The following PRKG1 variants were observed in gnomAD, a reference collection of about 807,000 sequenced individuals.
PRKG1 encodes protein kinase cGMP-dependent 1.
A neutral mutation model predicts 88.1 loss-of-function variants in PRKG1; 35 were observed. The ratio of observed to expected loss-of-function variants is 0.40; its 90% CI spans 0.30 to 0.53. The LOEUF (loss-of-function observed/expected upper bound fraction) is 0.53. PRKG1 is among the 20% of genes least tolerant of loss of function. PRKG1 has a pLI of 0.59. For synonymous variants in PRKG1, 303 were observed against 292.5 expected (o/e 1.04, Z -0.37); for missense variants, 540 against 839.8 (o/e 0.64, Z 4.41).
At chr10:51,802,637 A>G (rs1227108259) in intron 3 of PRKG1, among the ~76,000 whole-genome samples, 1 of 152,138 alleles carries the variant, frequency 6.6e-6, no homozygotes, top group African/African-American at 2.4e-5. Context: ...AGCAGAGATT[A>G]TAAGAGATGA....
intron 14 of PRKG1, among the ~76,000 whole-genome samples, chr10:52,288,163 A>AT (rs1161782566): frequency 1.3e-5 from 2 of 152,182 alleles, no homozygotes; most frequent in African/African-American, 4.8e-5. Flanking sequence ...AGGAAACAGC[A>AT]TAACACTTAT....
At chr10:51,163,292 C>A (rs1465968666) in intron 2 of PRKG1, among the ~76,000 whole-genome samples, 1 of 152,170 alleles carries the variant, frequency 6.6e-6, no homozygotes, top group African/African-American at 2.4e-5. Context: ...AATATAAAAG[C>A]TAATTAAATT....
chr10:51,392,897 CGGG>C (rs1837458970), intron 2 of PRKG1, among the ~76,000 whole-genome samples: 2 of 113,534 alleles, frequency 1.8e-5, no homozygotes, highest in Non-Finnish European at 4.0e-5. Context: ...GGCGGCTGGC[CGGG>C]TGGGGGGCTG....
At chr10:52,192,144 T>C (rs547354303) in intron 9 of PRKG1, among the ~76,000 whole-genome samples, 4 of 152,178 alleles carry the variant, frequency 2.6e-5, no homozygotes, top group Admixed American at 6.5e-5. Context: ...ATATTCAATA[T>C]GTTGAGTCAA....
chr10:51,365,710 T>C (rs1262065882), intron 2 of PRKG1, among the ~76,000 whole-genome samples: 1 of 151,948 alleles, frequency 6.6e-6, no homozygotes, highest in Admixed American at 6.6e-5. Context: ...ACCAGATTCC[T>C]AGGGGATTCA....
At chr10:51,069,266 A>G (rs899248290) in intron 1 of PRKG1, among the ~76,000 whole-genome samples, 3 of 152,000 alleles carry the variant, frequency 2.0e-5, no homozygotes, top group Non-Finnish European at 4.4e-5. Flanking sequence ...TTTTCTACGC[A>G]GAACTTACCA....
At chr10:51,308,264 G>T (rs543636470) in intron 2 of PRKG1, among the ~76,000 whole-genome samples, 1 of 152,234 alleles carries the variant, frequency 6.6e-6, no homozygotes, top group African/African-American at 2.4e-5. Context: ...GTACAGAGGT[G>T]CTTAAAGTGT....
At chr10:51,329,341 C>T (rs1033354053) in intron 2 of PRKG1, among the ~76,000 whole-genome samples, 1 of 152,104 alleles carries the variant, frequency 6.6e-6, no homozygotes, top group Admixed American at 6.6e-5. Flanking sequence ...CCCTTATATA[C>T]TCTTGGTGCC....
chr10:51,431,914 C>T (rs1199237071), intron 2 of PRKG1, among the ~76,000 whole-genome samples: 29 of 152,038 alleles, frequency 1.9e-4, no homozygotes, highest in Admixed American at 1.9e-3. Context: ...ATGTTTTTAC[C>T]ACATATGGAA....
At chr10:52,207,926 G>A (rs1839863448) in intron 9 of PRKG1, among the ~76,000 whole-genome samples, 1 of 152,036 alleles carries the variant, frequency 6.6e-6, no homozygotes, top group Non-Finnish European at 1.5e-5. Flanking sequence ...AAGTCTCTCA[G>A]TGGGAGATAT....
intron 2 of PRKG1, among the ~76,000 whole-genome samples, chr10:51,234,015 A>G (rs991261924): frequency 1.3e-5 from 2 of 151,942 alleles, no homozygotes; most frequent in Non-Finnish European, 2.9e-5. Context: ...TGAAATGCAT[A>G]TTTTCCAAAT....
chr10:51,793,863 G>C (rs1267176150), intron 3 of PRKG1, among the ~76,000 whole-genome samples: 1 of 152,146 alleles, frequency 6.6e-6, no homozygotes, highest in African/African-American at 2.4e-5. Flanking sequence ...CTGGGTTCAA[G>C]CAATTCTCCT....
chr10:51,803,937 G>T (rs1775916384), intron 3 of PRKG1, among the ~76,000 whole-genome samples: 1 of 151,974 alleles, frequency 6.6e-6, no homozygotes, highest in Non-Finnish European at 1.5e-5. Flanking sequence ...GTGAAGTTGT[G>T]GGGTATTCAG....
intron 1 of PRKG1, among the ~76,000 whole-genome samples, chr10:51,142,024 C>T (rs1275204300): frequency 1.3e-5 from 2 of 152,052 alleles, no homozygotes; most frequent in Admixed American, 1.3e-4. Flanking sequence ...TACAGATCTC[C>T]ATCCAAATTG....
At chr10:52,017,836 T>G (rs1845081121) in intron 5 of PRKG1, among the ~76,000 whole-genome samples, 1 of 152,162 alleles carries the variant, frequency 6.6e-6, no homozygotes, top group Non-Finnish European at 1.5e-5. Context: ...CTGTTGTAAT[T>G]TATCTTTTTC....
At chr10:51,574,621 T>C (rs1462307266) in intron 3 of PRKG1, among the ~76,000 whole-genome samples, 2 of 151,954 alleles carry the variant, frequency 1.3e-5, no homozygotes, top group Non-Finnish European at 2.9e-5. Context: ...TGTTAGCTAG[T>C]TGTCATCTAG....
At chr10:51,816,649 T>C (rs758276636) in intron 4 of PRKG1, among the ~76,000 whole-genome samples, 1 of 151,928 alleles carries the variant, frequency 6.6e-6, no homozygotes, top group Non-Finnish European at 1.5e-5. Context: ...TTTCTTTGAG[T>C]TCTAATAATG....
intron 3 of PRKG1, among the ~76,000 whole-genome samples, chr10:51,751,038 G>T (rs1837711795): frequency 6.6e-6 from 1 of 152,124 alleles, no homozygotes; most frequent in Non-Finnish European, 1.5e-5. Flanking sequence ...ATTAAAGAGA[G>T]AATTTTAGAT....
intron 3 of PRKG1, among the ~76,000 whole-genome samples, chr10:51,644,968 A>G (rs772669719): frequency 4.3e-4 from 65 of 152,020 alleles, no homozygotes; most frequent in Non-Finnish European, 7.2e-4. Context: ...TTGTATTTTT[A>G]GTAGAGATGG....
Sources: gnomAD v4.1 joint callset for allele counts (sites outside exome capture counted in the v4.1 genomes callset) on GRCh38, gnomAD v4.1.1 for gene constraint, MANE v1.5 for transcripts, NCBI Gene and HGNC (gene_info 2026-07-23, HGNC 2026-07-21) for gene names.